ALKBH6: variants seen among roughly 807,000 people sequenced by gnomAD.
ALKBH6 encodes the protein alkB homolog 6, nucleotide demethylase, also known as probable RNA/DNA demethylase ALKBH6.
ALKBH6 carries 20 observed loss-of-function variants against 25.1 expected under a neutral mutation model. That is an observed-to-expected ratio of 0.80 (90% confidence interval 0.56 to 1.16). The LOEUF is 1.16. ALKBH6 is among the 50% of genes most tolerant of loss of function. ALKBH6 has a pLI of 0.00. For missense variants in ALKBH6, 263 were observed against 326.5 expected, an observed-to-expected ratio of 0.81 and a Z score of 1.50; for synonymous variants, 156 against 147.5, an observed-to-expected ratio of 1.06 and a Z score of -0.42.
At position 36,012,813 on chromosome 19, in the gene ALKBH6, T is replaced by C. The variant is rs1021690205; in HGVS notation, c.123+208A>G. The C allele has an allele frequency of 4.3e-5, 25 of 577,990 alleles. No individual in the cohort carries two copies. In the African/African-American group the frequency reaches 4.7e-4, roughly 11 times the overall value. 35.8% of individuals were successfully genotyped at this position (577,990 alleles called of 1,614,324 possible). A position where few individuals can be genotyped will look rare whatever the true frequency, so the allele number is the denominator to read the frequency against. Reference sequence around the variant, plus strand: ...ACTCCCCAGTCTCAATGATCTGAACTGGGCTATCTCAGCCTATGTTTATAA... The same window carrying C: ...ACTCCCCAGTCTCAATGATCTGAACCGGGCTATCTCAGCCTATGTTTATAA... On this transcript the variant is annotated intron_variant, in intron 3 of 6. Coordinates refer to ENST00000378875, the MANE Select transcript of ALKBH6 (RefSeq NM_032878.5).
In ALKBH6 at chr19:36,010,429, T is replaced by C; in HGVS notation, c.453+138A>G. ...GGTTGGGTGTCTGGGAGGAAGTGGG[T>C]ACACCCCATGAGGGGACAAGGGAAG... On this transcript the variant is annotated intron_variant, in intron 6 of 6. Coordinates refer to ENST00000378875, the MANE Select transcript of ALKBH6 (RefSeq NM_032878.5). This position sits in a 1 kb window ranked among gnomAD's most constrained non-coding sequence, Gnocchi z 5.5. 1.3e-6 allele frequency: 1 copy of C among 754,934 alleles called. No individual in the cohort carries two copies. Among genetic ancestry groups the C allele is most frequent in the South Asian group, 1.6e-5 (1 of 62,076 alleles). The allele number at this position is 754,934 out of a possible 1,614,324, so 46.8% of individuals were successfully genotyped here.
chr19:36,009,423 GCGGCGTC>G lies in ALKBH6; in HGVS notation c.577_583del (p.Asp193ProfsTer27). Reference sequence around the variant, plus strand: ...GGCTGCCGCATTGGGCGGCGAGGAGGCGGCGTCCAGCGCGTCTACGCGGGCGGCGGCG... The same window carrying G: ...GGCTGCCGCATTGGGCGGCGAGGAGGCAGCGCGTCTACGCGGGCGGCGGCG... On this transcript the variant is annotated frameshift_variant, in exon 7 of 7. Coordinates refer to ENST00000378875, the MANE Select transcript of ALKBH6 (RefSeq NM_032878.5). LOFTEE classifies it high-confidence loss of function. 8.0e-7 allele frequency: 1 copy of G among 1,245,502 alleles called. No homozygotes were observed. Among genetic ancestry groups the G allele is most frequent in the Non-Finnish European group, 1.0e-6 (1 of 996,502 alleles). 77.2% of individuals were successfully genotyped at this position (1,245,502 alleles called of 1,614,324 possible).
Position 36,013,314 on chromosome 19 carries a change from T to G in ALKBH6, c.54+30A>C, listed in dbSNP as rs765904023. 1 of 1,613,638 alleles carries G rather than the reference T, an allele frequency of 6.2e-7. No homozygotes were observed. ...AGAACTCAGGAATCAGCCTGCCTCCTTCACCCTCTGCACCCTGAGTTCTGA... is the reference window on the plus strand; with the variant it reads ...AGAACTCAGGAATCAGCCTGCCTCCGTCACCCTCTGCACCCTGAGTTCTGA... On this transcript the variant is annotated intron_variant, in intron 2 of 6. Transcript: ENST00000378875. The surrounding 1 kb of genome is among the most constrained non-coding windows in gnomAD (Gnocchi z 4.6).
At chr19:36,011,164 C>T in intron 4 of ALKBH6, 119 bp from the exon 5 acceptor site, 1 of 1,375,268 alleles carries the variant, frequency 7.3e-7, no homozygotes, top group Admixed American at 2.3e-5. Flanking sequence ...TTGGAGATAG[C>T]CACTGGGTCC....
rs1219203140 is a variant in ALKBH6, at chr19:36,009,226, G to A, written c.*64C>T. On this transcript the variant is annotated 3_prime_UTR_variant, in exon 7 of 7. Coordinates refer to ENST00000378875, the MANE Select transcript of ALKBH6 (RefSeq NM_032878.5). ...CCCCTTTGCCCACGGTTCCTAGGTC[G>A]CGGAGTCACAGCAGCCCCAAAGGGG... 9.6e-6 allele frequency: 12 copies of A among 1,254,758 alleles called. No homozygotes were observed. Among genetic ancestry groups the A allele is most frequent in the Non-Finnish European group, 1.0e-6 (1 of 1,000,748 alleles). The allele number at this position is 1,254,758 out of a possible 1,614,324, so 77.7% of individuals were successfully genotyped here.
intron 3 of ALKBH6, 32 bp downstream of exon 3, chr19:36,012,989 G>T (rs1439293826): frequency 6.3e-7 from 1 of 1,588,660 alleles, no homozygotes; most frequent in Admixed American, 1.7e-5. Context: ...TGGGAAGAGT[G>T]GGAAAACAGA....
chr19:36,013,706 GGC>G lies in ALKBH6; in HGVS notation c.-25-286_-25-285del. On this transcript the variant is annotated intron_variant, in intron 1 of 6. Transcript: ENST00000378875. The surrounding 1 kb of genome is among the most constrained non-coding windows in gnomAD (Gnocchi z 4.6). ...AATCCTCCCACAGAGAACATTCTCT[GGC>G]CCCACACACAGGGAGCCTTTCTCAA... 1 of 1,298,310 alleles carries G rather than the reference GGC, an allele frequency of 7.7e-7. No homozygotes were observed. The highest frequency in any genetic ancestry group is 1.8e-5 in the South Asian group (1 of 56,260). The allele number at this position is 1,298,310 out of a possible 1,614,324, so 80.4% of individuals were successfully genotyped here.
At chr19:36,011,878 G>C (rs1420666118) in intron 3 of ALKBH6, 1 of 160,654 alleles carries the variant, frequency 6.2e-6, no homozygotes, top group African/African-American at 2.4e-5. Context: ...TTGAGGTCAG[G>C]AGCTCGAGAC....
Position 36,013,568 on chromosome 19 carries a change from T to A in ALKBH6, c.-25-146A>T, listed in dbSNP as rs1755913654. On this transcript the variant is annotated intron_variant, in intron 1 of 6. Transcript: ENST00000378875. The surrounding 1 kb of genome is among the most constrained non-coding windows in gnomAD (Gnocchi z 4.6). The stretch of plus-strand genomic sequence containing the variant: ...TCTAAAATCTGAGTCTTCAGCATCT[T>A]ACAAGCCACACAGAGAGCCCCTACG... The A allele has an allele frequency of 6.9e-7, 1 of 1,449,042 alleles. No individual in the cohort carries two copies. Among genetic ancestry groups the A allele is most frequent in the Non-Finnish European group, 9.1e-7 (1 of 1,103,564 alleles). 89.8% of individuals were successfully genotyped at this position (1,449,042 alleles called of 1,614,324 possible). A position where few individuals can be genotyped will look rare whatever the true frequency, so the allele number is the denominator to read the frequency against.
intron 3 of ALKBH6, 113 bp from the exon 4 acceptor site, chr19:36,011,577 T>C (rs1968613391): frequency 3.4e-6 from 4 of 1,161,272 alleles, no homozygotes. Context: ...CATCTGTGTC[T>C]GTGGGACCAT....
rs1381579788 is a variant in ALKBH6 at position 36,010,531 on chromosome 19, G to A, written c.453+36C>T. 1 of 1,568,252 alleles carries A rather than the reference G, an allele frequency of 6.4e-7. No homozygotes were observed. The highest frequency in any genetic ancestry group is 8.8e-7 in the Non-Finnish European group (1 of 1,140,838). ...CTTGGAGGATGTGCGAGGTTGAAGT[G>A]CCTACAAGCAGCTGGGGCAGTGTCT... On this transcript the variant is annotated intron_variant, in intron 6 of 6. Coordinates refer to ENST00000378875, the MANE Select transcript of ALKBH6 (RefSeq NM_032878.5). The surrounding 1 kb of genome is among the most constrained non-coding windows in gnomAD (Gnocchi z 5.5).
Position 36,013,989 on chromosome 19 carries a change from A to G in ALKBH6, c.-26+186T>C, listed in dbSNP as rs1202221884. On this transcript the variant is annotated intron_variant, in intron 1 of 6. Coordinates refer to ENST00000378875, the MANE Select transcript of ALKBH6 (RefSeq NM_032878.5). This position sits in a 1 kb window ranked among gnomAD's most constrained non-coding sequence, Gnocchi z 4.6. ...AGCGCCCCTTCACTCCAGCACCCTG[A>G]GATCTTTAGCTCTGAGGCTGACTCC... The G allele has an allele frequency of 3.5e-6, 5 of 1,409,268 alleles. No homozygotes were observed. The highest frequency in any genetic ancestry group is 4.6e-6 in the Non-Finnish European group (5 of 1,086,486). The allele number at this position is 1,409,268 out of a possible 1,614,324, so 87.3% of individuals were successfully genotyped here.
Position 36,009,324 on chromosome 19 carries a change from CG to C in ALKBH6, c.682del (p.Arg228AlafsTer31). 7.4e-7 allele frequency: 1 copy of C among 1,356,806 alleles called. No individual in the cohort carries two copies. The highest frequency in any genetic ancestry group is 3.2e-5 in the Admixed American group (1 of 31,700). 84.0% of individuals were successfully genotyped at this position (1,356,806 alleles called of 1,614,324 possible). A position where few individuals can be genotyped will look rare whatever the true frequency, so the allele number is the denominator to read the frequency against. Reference protein sequence around the residue: ...RVSLTIRRVPRVLRAGLLLGK With the variant: ...RVSLTIRRVPXVLRAGLLLGK ...CAGCAGGAGGCCGGCGCGCAGCACG[CG>C]GGGCACGCGGCGGATGGTCAGCGAG... is the stretch of plus-strand genomic sequence containing the variant. On this transcript the variant is annotated frameshift_variant, in exon 7 of 7. Transcript: ENST00000378875. LOFTEE classifies it high-confidence loss of function.
In ALKBH6 at chr19:36,013,272, G is replaced by A. The variant is rs748984703; in HGVS notation, c.54+72C>T. 8.9e-6 allele frequency: 14 copies of A among 1,581,854 alleles called. No individual in the cohort carries two copies. Among genetic ancestry groups the A allele is most frequent in the South Asian group, 7.8e-5 (7 of 89,972 alleles). The stretch of plus-strand genomic sequence containing the variant: ...ACAGTAAGAATGAATTTGGTGGAAG[G>A]GGGCAGTCCCAACCCAAGAACTCAG... On this transcript the variant is annotated intron_variant, in intron 2 of 6. Coordinates refer to ENST00000378875, the MANE Select transcript of ALKBH6 (RefSeq NM_032878.5). The surrounding 1 kb of genome is among the most constrained non-coding windows in gnomAD (Gnocchi z 4.6).
At position 36,010,232 on chromosome 19, in the gene ALKBH6, C is replaced by T; in HGVS notation, c.453+335G>A. 3.5e-6 allele frequency: 1 copy of T among 289,114 alleles called. No individual in the cohort carries two copies. 17.9% of individuals were successfully genotyped at this position (289,114 alleles called of 1,614,324 possible). On this transcript the variant is annotated intron_variant, in intron 6 of 6. Transcript: ENST00000378875. The surrounding 1 kb of genome is among the most constrained non-coding windows in gnomAD (Gnocchi z 5.5). ...AGCAGGACGTCTGGGGCACCCTGAG[C>T]AGGGGCAGATAGAGCATCTGGGAGG...
Position 36,010,641 on chromosome 19 carries a change from T to C in ALKBH6, c.379A>G (p.Ile127Val), listed in dbSNP as rs532112641. 6.2e-7 allele frequency: 1 copy of C among 1,613,954 alleles called. No individual in the cohort carries two copies. Among genetic ancestry groups the C allele is most frequent in the African/African-American group, 1.3e-5 (1 of 75,014 alleles). Residue 127 changes from isoleucine (I) to valine (V), a missense_variant, in exon 6 of 7, where the codon ATC becomes GTC. Physicochemically the swap from Ile to Val is conservative, Grantham distance 29. Coordinates refer to ENST00000378875, the MANE Select transcript of ALKBH6 (RefSeq NM_032878.5). This position sits in a 1 kb window ranked among gnomAD's most constrained non-coding sequence, Gnocchi z 5.5. ...AGCACGGTGTGGGAGCCCAGGCTGA[T>C]GGTGCTGACAGTCGGGTAGTACAGT... Reference protein sequence around the residue: ...GPLYYPTVSTISLGSHTVLDF... With the variant: ...GPLYYPTVSTVSLGSHTVLDF...
Position 36,010,357 on chromosome 19 carries a change from G to A in ALKBH6, c.453+210C>T, listed in dbSNP as rs1968562417. ...ATTCAGCAGGTTGGGGCATCGGGGA[G>A]CCTGTGAAAATCATGGCATGTGGGA... On this transcript the variant is annotated intron_variant, in intron 6 of 6. Transcript: ENST00000378875. This position sits in a 1 kb window ranked among gnomAD's most constrained non-coding sequence, Gnocchi z 5.5. 4 of 609,232 alleles carry A rather than the reference G, an allele frequency of 6.6e-6. No homozygotes were observed. In the South Asian group the frequency reaches 7.7e-5, roughly 12 times the overall value. 37.7% of individuals were successfully genotyped at this position (609,232 alleles called of 1,614,324 possible). A position where few individuals can be genotyped will look rare whatever the true frequency, so the allele number is the denominator to read the frequency against.
At chr19:36,011,091 T>A in intron 4 of ALKBH6, 46 bp from the exon 5 acceptor site, 1 of 1,556,058 alleles carries the variant, frequency 6.4e-7, no homozygotes, top group Non-Finnish European at 8.7e-7. Flanking sequence ...TAGCAATAGA[T>A]CCCCCATTAG....
Position 36,010,454 on chromosome 19 carries a change from G to T in ALKBH6, c.453+113C>A. The T allele has an allele frequency of 1.1e-6, 1 of 904,154 alleles. No homozygotes were observed. Among genetic ancestry groups the T allele is most frequent in the Non-Finnish European group, 1.8e-6 (1 of 567,204 alleles). 56.0% of individuals were successfully genotyped at this position (904,154 alleles called of 1,614,324 possible). The stretch of plus-strand genomic sequence containing the variant: ...TACACCCCATGAGGGGACAAGGGAA[G>T]GTATCTGGGAGAGTGCCAGGAGTAC... On this transcript the variant is annotated intron_variant, in intron 6 of 6. Transcript: ENST00000378875. The surrounding 1 kb of genome is among the most constrained non-coding windows in gnomAD (Gnocchi z 5.5).
Sources: gnomAD v4.1 joint callset for allele counts on GRCh38, gnomAD v4.1.1 for gene constraint, Gnocchi (gnomAD v3.1) non-coding constraint, MANE v1.5 for transcripts, NCBI Gene and HGNC (gene_info 2026-07-23, HGNC 2026-07-21) for gene names.